The following ALCAM variants were observed in gnomAD, a reference collection of about 807,000 sequenced individuals.
ALCAM encodes the protein CD166 antigen.
Under a neutral mutation model 70.9 loss-of-function variants are expected in ALCAM, and 30 were observed. The observed-to-expected ratio is 0.42, with a 90% CI of 0.32 to 0.57. The LOEUF is 0.57. Ranked by LOEUF, ALCAM falls within the 20% of genes least tolerant of loss-of-function variation. The probability of loss-of-function intolerance (pLI) is 0.11; values close to 1 mark genes in which losing one functional copy is unlikely to be tolerated. For missense variants in ALCAM, 591 were observed against 695.1 expected, an observed-to-expected ratio of 0.85 and a Z score of 1.68; for synonymous variants, 249 against 242.5, an observed-to-expected ratio of 1.03 and a Z score of -0.25.
chr3:105,419,908 A>G (rs555529924), intron 1 of ALCAM, among the ~76,000 whole-genome samples: 91 of 151,934 alleles, frequency 6.0e-4, no homozygotes, highest in African/African-American at 1.6e-3. Flanking sequence ...ATCTGCCAAC[A>G]TGAATATTTG....
intron 9 of ALCAM, among the ~76,000 whole-genome samples, chr3:105,545,740 T>C (rs1940230671): frequency 1.3e-5 from 2 of 151,446 alleles, no homozygotes; most frequent in South Asian, 4.1e-4. Flanking sequence ...ACATTCTTCA[T>C]ATAAAGAAAT....
At position 105,540,594 on chromosome 3, in the gene ALCAM, T is replaced by C. The variant is rs1208179146; in HGVS notation, c.858+492T>C. ...GCCATTTCCTCAACTTTTCTCCATA[T>C]CATAGCTGAAGGAAATGATATGCAT... On this transcript the variant is annotated intron_variant, in intron 7 of 15. Transcript: ENST00000306107. 2.6e-5 allele frequency among the ~76,000 whole-genome samples: 4 copies of C among 152,154 alleles called. 1 individual carries two copies. The East Asian group carries it at 7.8e-4, about 30-fold the overall frequency.
At chr3:105,553,616 A>G (rs927154953) in intron 14 of ALCAM, among the ~76,000 whole-genome samples, 1 of 151,864 alleles carries the variant, frequency 6.6e-6, no homozygotes, top group African/African-American at 2.4e-5. Flanking sequence ...GCCAGTTCCA[A>G]TGAAGCAATA....
chr3:105,490,010 C>T (rs868475320), intron 1 of ALCAM, among the ~76,000 whole-genome samples: 2 of 152,186 alleles, frequency 1.3e-5, no homozygotes, highest in Non-Finnish European at 2.9e-5. Flanking sequence ...TTAGTTCCTA[C>T]CATTCAGATC....
At chr3:105,397,065 T>C (rs1935972449) in intron 1 of ALCAM, among the ~76,000 whole-genome samples, 1 of 152,062 alleles carries the variant, frequency 6.6e-6, no homozygotes, top group Non-Finnish European at 1.5e-5. Context: ...CTATTTCCCA[T>C]TTTCTACTAA....
At position 105,473,465 on chromosome 3, in the gene ALCAM, CT is replaced by C. The variant is rs917759762; in HGVS notation, c.74-46600del. 1.1e-3 allele frequency among the ~76,000 whole-genome samples: 160 copies of C among 151,654 alleles called. 1 individual carries two copies. The highest frequency in any genetic ancestry group is 3.7e-3 in the African/African-American group (153 of 41,456). On this transcript the variant is annotated intron_variant, in intron 1 of 15. Coordinates refer to ENST00000306107, the MANE Select transcript of ALCAM (RefSeq NM_001627.4). ...TTAGATCCTTACAAACTATAACTCT[CT>C]TGTCCTTTTTATCTTCCACTTTTCT... is the stretch of plus-strand genomic sequence containing the variant.
intron 1 of ALCAM, among the ~76,000 whole-genome samples, chr3:105,474,710 T>C (rs1261452935): frequency 6.6e-6 from 1 of 151,734 alleles, no homozygotes; most frequent in Non-Finnish European, 1.5e-5. Context: ...ATCTACTACT[T>C]TGAAAATGAA....
At chr3:105,456,182 C>T (rs898147692) in intron 1 of ALCAM, among the ~76,000 whole-genome samples, 6 of 152,210 alleles carry the variant, frequency 3.9e-5, no homozygotes, top group Non-Finnish European at 8.8e-5. Context: ...TATGGGGTAG[C>T]CCTGCTCTCT....
At chr3:105,369,231 G>A (rs1474023405) in intron 1 of ALCAM, among the ~76,000 whole-genome samples, 1 of 152,146 alleles carries the variant, frequency 6.6e-6, no homozygotes, top group African/African-American at 2.4e-5. Context: ...TTCCTTTTCG[G>A]TGCCGTCACA....
In ALCAM at chr3:105,393,174, A is replaced by G. The variant is rs74802761; in HGVS notation, c.73+25693A>G. ...CATATTGAAATTAAAATGATCTTTC[A>G]TTTTTATTGCCATTCTTATATTAGT... On this transcript the variant is annotated intron_variant, in intron 1 of 15. Transcript: ENST00000306107. 7.6e-3 allele frequency among the ~76,000 whole-genome samples: 1,159 copies of G among 151,802 alleles called. 3 individuals are homozygous for G. Among genetic ancestry groups the G allele is most frequent in the Non-Finnish European group, 0.012 (820 of 67,806 alleles).
intron 1 of ALCAM, among the ~76,000 whole-genome samples, chr3:105,484,461 G>A (rs1938365979): frequency 6.6e-6 from 1 of 151,948 alleles, no homozygotes; most frequent in South Asian, 2.1e-4. Context: ...AATTTCAGAT[G>A]ACTGAAAGGT....
rs1293180335 is a variant in ALCAM at position 105,545,327 on chromosome 3, T to C, written c.1096T>C (p.Trp366Arg). ...TGCTAGCAGGAATGCAACTGTGGTA[T>C]GGATGAAAGTAAGTAATATTTTTGG... ...ISASRNATVV[W>R]MKDNIRLRSS... is the part of the protein sequence containing the mutation. Residue 366 changes from tryptophan to arginine, a missense_variant, in exon 9 of 16, where the codon TGG (tryptophan) becomes CGG (arginine). Trp to Arg is a moderately radical substitution (Grantham distance 101). Coordinates refer to ENST00000306107, the MANE Select transcript of ALCAM (RefSeq NM_001627.4). The C allele has an allele frequency of 6.2e-7, 1 of 1,605,002 alleles. No homozygotes were observed. The highest frequency in any genetic ancestry group is 1.3e-5 in the African/African-American group (1 of 74,474).
At chr3:105,437,890 G>T (rs999190073) in intron 1 of ALCAM, among the ~76,000 whole-genome samples, 1 of 152,000 alleles carries the variant, frequency 6.6e-6, no homozygotes, top group Non-Finnish European at 1.5e-5. Flanking sequence ...ATATTTTATA[G>T]TAGGAAAATG....
At chr3:105,501,667 A>T (rs1334390240) in intron 1 of ALCAM, among the ~76,000 whole-genome samples, 3 of 152,198 alleles carry the variant, frequency 2.0e-5, no homozygotes, top group Admixed American at 2.0e-4. Flanking sequence ...TTTCTTATCC[A>T]TAATGGTAGT....
intron 2 of ALCAM, 92 bp from the exon 3 acceptor site, chr3:105,524,197 G>C: frequency 9.5e-7 from 1 of 1,049,414 alleles, no homozygotes; most frequent in Non-Finnish European, 1.4e-6. Context: ...ATAGATATTG[G>C]TAGAATATGG....
chr3:105,371,633 C>T (rs1935235620), intron 1 of ALCAM, among the ~76,000 whole-genome samples: 1 of 151,806 alleles, frequency 6.6e-6, no homozygotes, highest in Non-Finnish European at 1.5e-5. Flanking sequence ...AAGATGGCAG[C>T]AGTTTGTCAG....
chr3:105,566,820 T>C (rs1940752885), intron 14 of ALCAM, among the ~76,000 whole-genome samples: 1 of 152,308 alleles, frequency 6.6e-6, no homozygotes, highest in African/African-American at 2.4e-5. Flanking sequence ...GTTAGTTGTC[T>C]TTTAAAATAT....
chr3:105,396,670 T>C (rs1935958354), intron 1 of ALCAM, among the ~76,000 whole-genome samples: 1 of 152,042 alleles, frequency 6.6e-6, no homozygotes, highest in Non-Finnish European at 1.5e-5. Context: ...ATAGCTTCCC[T>C]ACTGCCCAGT....
intron 1 of ALCAM, among the ~76,000 whole-genome samples, chr3:105,492,362 A>G (rs1392030066): frequency 1.3e-5 from 2 of 152,230 alleles, no homozygotes; most frequent in African/African-American, 4.8e-5. Flanking sequence ...TAAACCAGAA[A>G]TATCACCTAT....
Sources: allele counts gnomAD v4.1 joint callset (sites outside exome capture counted in the v4.1 genomes callset), GRCh38; gene constraint gnomAD v4.1.1; transcripts MANE v1.5; gene names NCBI Gene and HGNC (gene_info 2026-07-23, HGNC 2026-07-21).